Variants in NSRP1 observed in about 807,000 individuals in gnomAD.
NSRP1 encodes nuclear speckle splicing regulatory protein 1, also known as coiled-coil domain containing 55.
In NSRP1, 24 loss-of-function variants were observed where a neutral mutation model predicts 54.7. That is an observed-to-expected ratio of 0.44 (90% confidence interval 0.32 to 0.62). The LOEUF is 0.62. NSRP1 is among the 20% of genes least tolerant of loss of function. The pLI is 0.06. For missense variants in NSRP1, 596 were observed against 651.2 expected (o/e 0.92, Z 0.92); for synonymous variants, 210 against 213.8 (o/e 0.98, Z 0.15).
At chr17:30,167,477 T>C (rs1904776289) in intron 2 of NSRP1, among the ~76,000 whole-genome samples, 1 of 151,854 alleles carries the variant, frequency 6.6e-6, no homozygotes, top group East Asian at 1.9e-4. Context: ...GGCATGGTGG[T>C]GTGCGCCTGT....
intron 6 of NSRP1, among the ~76,000 whole-genome samples, chr17:30,182,607 A>T (rs1489571207): frequency 1.3e-5 from 2 of 151,940 alleles, no homozygotes; most frequent in Non-Finnish European, 2.9e-5. Flanking sequence ...GCGCCACTGC[A>T]CTCCAACCTG....
chr17:30,136,817 TC>T (rs138553968), intron 2 of NSRP1, among the ~76,000 whole-genome samples: 4,168 of 152,308 alleles, frequency 0.027, 167 homozygotes, highest in African/African-American at 0.095. Context: ...TATTACATTT[TC>T]TAAGCATTTA....
At chr17:30,131,792 A>G (rs2071702491) in intron 2 of NSRP1, among the ~76,000 whole-genome samples, 1 of 152,300 alleles carries the variant, frequency 6.6e-6, no homozygotes, top group Non-Finnish European at 1.5e-5. Context: ...GTAACATGTG[A>G]TGCTGTTTGA....
intron 2 of NSRP1, among the ~76,000 whole-genome samples, chr17:30,129,023 G>C (rs1384481949): frequency 3.3e-5 from 5 of 150,884 alleles, no homozygotes; most frequent in Admixed American, 3.3e-4. Flanking sequence ...GTCCCCAAGT[G>C]CTGGGATTAC....
intron 2 of NSRP1, chr17:30,127,966 C>G: frequency 2.5e-6 from 1 of 397,722 alleles, no homozygotes; most frequent in Non-Finnish European, 4.4e-6. Flanking sequence ...TCCCAAGTAG[C>G]TGGGACCACA....
intron 6 of NSRP1, among the ~76,000 whole-genome samples, chr17:30,182,255 A>G (rs577315978): frequency 6.6e-6 from 1 of 152,194 alleles, no homozygotes; most frequent in African/African-American, 2.4e-5. Flanking sequence ...AATAGAACCC[A>G]GCCTTCCTAA....
chr17:30,176,087 T>G (rs1031271940), intron 3 of NSRP1, among the ~76,000 whole-genome samples: 1 of 141,616 alleles, frequency 7.1e-6, no homozygotes, highest in African/African-American at 2.7e-5. Flanking sequence ...TTCATACTGT[T>G]TTTTTTTGTT....
intron 2 of NSRP1, among the ~76,000 whole-genome samples, chr17:30,119,357 G>A (rs2071576157): frequency 6.6e-6 from 1 of 151,558 alleles, no homozygotes; most frequent in African/African-American, 2.4e-5. Flanking sequence ...GATTACAGGT[G>A]CCCCACCACC....
chr17:30,137,937 A>G (rs550598549), intron 2 of NSRP1, among the ~76,000 whole-genome samples: 1 of 152,306 alleles, frequency 6.6e-6, no homozygotes, highest in South Asian at 2.1e-4. Flanking sequence ...TTGTTCAACT[A>G]TTACCATGGT....
At chr17:30,158,371 T>C (rs1904389675) in intron 2 of NSRP1, among the ~76,000 whole-genome samples, 1 of 151,168 alleles carries the variant, frequency 6.6e-6, no homozygotes, top group African/African-American at 2.4e-5. Context: ...TATTAGTCAC[T>C]TGTCAGATGA....
At chr17:30,127,739 C>G (rs1411589238) in intron 2 of NSRP1, 2 of 348,936 alleles carry the variant, frequency 5.7e-6, no homozygotes, top group Admixed American at 4.7e-5. Flanking sequence ...GATAAAGAGA[C>G]AAAACTTTTT....
At chr17:30,156,426 T>TACATGAGATAG (rs1184718923) in intron 2 of NSRP1, 3 of 151,438 alleles carry the variant, frequency 2.0e-5, no homozygotes, top group African/African-American at 7.3e-5. Flanking sequence ...TATGGGTGAG[T>TACATGAGATAG]ACATGAGATA....
At chr17:30,141,390 C>T (rs1355877278) in intron 2 of NSRP1, among the ~76,000 whole-genome samples, 2 of 152,000 alleles carry the variant, frequency 1.3e-5, no homozygotes, top group Admixed American at 6.6e-5. Flanking sequence ...TAATATAAAA[C>T]GTTTAGAATT....
At chr17:30,141,865 A>G in intron 2 of NSRP1, among the ~76,000 whole-genome samples, 1 of 152,290 alleles carries the variant, frequency 6.6e-6, no homozygotes, top group Non-Finnish European at 1.5e-5. Context: ...TTAGCTGGGC[A>G]TGGTGGCCCG....
At chr17:30,126,505 A>G (rs549340700) in intron 2 of NSRP1, among the ~76,000 whole-genome samples, 1 of 152,272 alleles carries the variant, frequency 6.6e-6, no homozygotes, top group African/African-American at 2.4e-5. Flanking sequence ...AAAAGCTTGC[A>G]TTATAAGTTG....
At chr17:30,122,339 A>G (rs1315675108) in intron 2 of NSRP1, 2 of 95,944 alleles carry the variant, frequency 2.1e-5, no homozygotes, top group Non-Finnish European at 3.7e-5. Flanking sequence ...GGTTCATATG[A>G]TAACTCTGGT....
chr17:30,135,715 C>G (rs926602727), intron 2 of NSRP1, among the ~76,000 whole-genome samples: 3 of 151,178 alleles, frequency 2.0e-5, no homozygotes, highest in Admixed American at 1.3e-4. Context: ...ACCTAGTGAC[C>G]CGCCTCGGCC....
At chr17:30,130,149 G>A (rs1281449544) in intron 2 of NSRP1, among the ~76,000 whole-genome samples, 3 of 152,168 alleles carry the variant, frequency 2.0e-5, no homozygotes, top group Non-Finnish European at 4.4e-5. Flanking sequence ...AGGCTAGAGT[G>A]CAGTGGCTCT....
chr17:30,160,476 A>C (rs1010356535), intron 2 of NSRP1, among the ~76,000 whole-genome samples: 1 of 151,806 alleles, frequency 6.6e-6, no homozygotes, highest in Non-Finnish European at 1.5e-5. Flanking sequence ...CAATCTCATT[A>C]CTCGTTGTTT....
Sources: allele counts gnomAD v4.1 joint callset (sites outside exome capture counted in the v4.1 genomes callset), GRCh38; gene constraint gnomAD v4.1.1; transcripts MANE v1.5; gene names NCBI Gene and HGNC (gene_info 2026-07-23, HGNC 2026-07-21).